Variants in MZT1 observed in about 807,000 individuals in gnomAD.
MZT1 encodes the protein mitotic-spindle organizing protein 1.
Under a neutral mutation model 8.5 loss-of-function variants are expected in MZT1, and 8 were observed. The observed-to-expected ratio is 0.94, with a 90% CI of 0.55 to 1.70. The LOEUF is 1.70. MZT1 is among the 40% of genes most tolerant of loss of function. The pLI is 0.00. For synonymous variants in MZT1, 38 were observed against 42.0 expected (o/e 0.90, Z 0.37); for missense variants, 93 against 108.6 (o/e 0.86, Z 0.64).
intron 2 of MZT1, among the ~76,000 whole-genome samples, chr13:72,713,243 T>C (rs2032504680): frequency 6.6e-6 from 1 of 152,316 alleles, no homozygotes; most frequent in South Asian, 2.1e-4. Flanking sequence ...AGTAAACTAC[T>C]AATAGTAGCA....
At chr13:72,721,452 T>C (rs2032593479) in intron 1 of MZT1, among the ~76,000 whole-genome samples, 1 of 152,228 alleles carries the variant, frequency 6.6e-6, no homozygotes, top group South Asian at 2.1e-4. Flanking sequence ...TTCTGAGTAC[T>C]TTCCTCACAC....
chr13:72,711,467 A>C (rs1259092522), intron 2 of MZT1, among the ~76,000 whole-genome samples: 1 of 152,150 alleles, frequency 6.6e-6, no homozygotes, highest in East Asian at 1.9e-4. Context: ...AATTCACAAA[A>C]AATAGTTACT....
intron 1 of MZT1, among the ~76,000 whole-genome samples, chr13:72,719,634 C>T (rs780259183): frequency 1.3e-5 from 2 of 151,780 alleles, no homozygotes; most frequent in Admixed American, 6.6e-5. Flanking sequence ...AATTGACATA[C>T]AATAGTCAAA....
At chr13:72,719,371 T>C (rs1489062492) in intron 1 of MZT1, among the ~76,000 whole-genome samples, 6 of 152,196 alleles carry the variant, frequency 3.9e-5, no homozygotes, top group Admixed American at 1.3e-4. Context: ...GTATCCACCA[T>C]ACTTAGGATA....
At chr13:72,726,992 T>C (rs1181488394) in intron 1 of MZT1, among the ~76,000 whole-genome samples, 2 of 152,232 alleles carry the variant, frequency 1.3e-5, no homozygotes, top group Non-Finnish European at 2.9e-5. Context: ...AGGATAATTA[T>C]GACCAAAGGG....
At chr13:72,711,530 A>C (rs1459055883) in intron 2 of MZT1, among the ~76,000 whole-genome samples, 1 of 152,198 alleles carries the variant, frequency 6.6e-6, no homozygotes. Flanking sequence ...GTCTCAGACC[A>C]ACAGTTTTTT....
chr13:72,724,719 C>CATATATATATATATATATATATACAT (rs1217685191), intron 1 of MZT1, among the ~76,000 whole-genome samples: 2 of 27,800 alleles, frequency 7.2e-5, no homozygotes, highest in African/African-American at 1.5e-4. Flanking sequence ...TATATATATA[C>CATATATATATATATATATATATACAT]ATATATATAT....
At position 72,708,886 on chromosome 13, in the gene MZT1, C is replaced by T. The variant is rs1410598384; in HGVS notation, c.*1436G>A. The T allele has an allele frequency of 6.7e-6, 1 of 148,310 alleles. No individual in the cohort carries two copies. Among genetic ancestry groups the T allele is most frequent in the Admixed American group, 6.7e-5 (1 of 14,842 alleles). The allele number at this position is 148,310 out of a possible 1,614,324, so 9.2% of individuals were successfully genotyped here. A position where few individuals can be genotyped will look rare whatever the true frequency, so the allele number is the denominator to read the frequency against. ...AAATATTACCAAATCTTAATAAAAC[C>T]ACTTCAGCTTGTCTGAAAAACAAAA... On this transcript the variant is annotated 3_prime_UTR_variant, in exon 3 of 3. Coordinates refer to ENST00000377818, the MANE Select transcript of MZT1 (RefSeq NM_001071775.3).
intron 2 of MZT1, among the ~76,000 whole-genome samples, chr13:72,712,732 T>C (rs2138006655): frequency 6.6e-6 from 1 of 152,332 alleles, no homozygotes; most frequent in East Asian, 1.9e-4. Context: ...CCTAAGAAAA[T>C]GCTATGCCAA....
intron 2 of MZT1, 39 bp downstream of exon 2, chr13:72,718,913 A>G (rs775833776): frequency 3.1e-5 from 47 of 1,511,576 alleles, no homozygotes; most frequent in Non-Finnish European, 4.0e-5. Context: ...TCTAAATAAA[A>G]GCATCTTTAT....
At position 72,724,738 on chromosome 13, in the gene MZT1, A is replaced by G. The variant is rs1182435460; in HGVS notation, c.79+2786T>C. Among the ~76,000 whole-genome samples, 90 of 35,758 alleles carry G rather than the reference A, an allele frequency of 2.5e-3. 3 individuals are homozygous for G. Among genetic ancestry groups the G allele is most frequent in the Non-Finnish European group, 4.5e-3 (46 of 10,334 alleles). The allele number at this position is 35,758 out of a possible 152,430, so 23.5% of individuals were successfully genotyped here. ...TATATACATATATATATATATATAT[A>G]TACACATATATATATGTAAAGTGGT... On this transcript the variant is annotated intron_variant, in intron 1 of 2. Transcript: ENST00000377818.
At chr13:72,710,821 G>A (rs1002059946) in intron 2 of MZT1, among the ~76,000 whole-genome samples, 9 of 152,058 alleles carry the variant, frequency 5.9e-5, no homozygotes, top group Non-Finnish European at 1.0e-4. Context: ...AGGTGATTCT[G>A]AAGAAATTCC....
chr13:72,716,776 T>A (rs1435574939), intron 2 of MZT1, among the ~76,000 whole-genome samples: 1 of 152,230 alleles, frequency 6.6e-6, no homozygotes, highest in African/African-American at 2.4e-5. Context: ...ATGTTTTTAG[T>A]TGCCAATCTG....
chr13:72,726,743 A>AG (rs1206811590), intron 1 of MZT1, among the ~76,000 whole-genome samples: 33 of 59,334 alleles, frequency 5.6e-4, no homozygotes, highest in East Asian at 1.6e-3. Context: ...TTTATTTTAC[A>AG]GAAAAAAAAA....
At chr13:72,727,083 C>T (rs988418020) in intron 1 of MZT1, among the ~76,000 whole-genome samples, 3 of 152,380 alleles carry the variant, frequency 2.0e-5, no homozygotes, top group Non-Finnish European at 4.4e-5. Context: ...AAACACCTGG[C>T]CCCTGTCCCC....
chr13:72,709,258 T>C lies in MZT1; in HGVS notation c.*1064A>G, dbSNP rs149982267. On this transcript the variant is annotated 3_prime_UTR_variant, in exon 3 of 3. Transcript: ENST00000377818. ...CATTTGATTGTTTAGTTTTGTTTAA[T>C]GACTGGAAATCCTTATTTCTTCAAA... 1.3e-3 allele frequency: 195 copies of C among 151,978 alleles called. No homozygotes were observed. Among genetic ancestry groups the C allele is most frequent in the African/African-American group, 4.4e-3 (184 of 41,476 alleles). The allele number at this position is 151,978 out of a possible 1,614,324, so 9.4% of individuals were successfully genotyped here. A position where few individuals can be genotyped will look rare whatever the true frequency, so the allele number is the denominator to read the frequency against.
chr13:72,723,065 C>G (rs538894881), intron 1 of MZT1, among the ~76,000 whole-genome samples: 2 of 152,246 alleles, frequency 1.3e-5, no homozygotes, highest in South Asian at 4.1e-4. Context: ...ATGCTTCTAA[C>G]AGTTTTTCAG....
At chr13:72,726,512 C>A (rs544569135) in intron 1 of MZT1, among the ~76,000 whole-genome samples, 113 of 151,974 alleles carry the variant, frequency 7.4e-4, no homozygotes, top group Non-Finnish European at 1.3e-3. Context: ...TTAACAGAGA[C>A]GGAAGCTGAC....
At chr13:72,715,463 T>C (rs1037180106) in intron 2 of MZT1, among the ~76,000 whole-genome samples, 2 of 152,164 alleles carry the variant, frequency 1.3e-5, no homozygotes, top group East Asian at 1.9e-4. Context: ...GGCATGATTG[T>C]ATGTTGCAAT....
Sources: gnomAD v4.1 joint callset for allele counts (sites outside exome capture counted in the v4.1 genomes callset) on GRCh38, gnomAD v4.1.1 for gene constraint, MANE v1.5 for transcripts, NCBI Gene and HGNC (gene_info 2026-07-23, HGNC 2026-07-21) for gene names.